Variants in TXNDC11 observed in about 807,000 individuals in gnomAD.
TXNDC11 encodes thioredoxin domain containing 11, also known as thioredoxin domain-containing protein 11.
Under a neutral mutation model 78.0 loss-of-function variants are expected in TXNDC11, and 68 were observed. The observed-to-expected ratio is 0.87, with a 90% CI of 0.72 to 1.07. The LOEUF (loss-of-function observed/expected upper bound fraction) is 1.07, where lower values mean the gene tolerates loss of function less well. TXNDC11 is among the 50% of genes least tolerant of loss of function. TXNDC11 has a pLI of 0.00. For synonymous variants in TXNDC11, 571 were observed against 495.2 expected, an observed-to-expected ratio of 1.15 and a Z score of -2.03; for missense variants, 1,389 against 1,221.8, an observed-to-expected ratio of 1.14 and a Z score of -2.04.
At chr16:11,740,882 A>G (rs2052370848) in intron 1 of TXNDC11, among the ~76,000 whole-genome samples, 1 of 152,218 alleles carries the variant, frequency 6.6e-6, no homozygotes, top group African/African-American at 2.4e-5. Context: ...ATTATGTACT[A>G]AATGAATAAA....
At chr16:11,724,683 T>C (rs944302911) in intron 4 of TXNDC11, among the ~76,000 whole-genome samples, 1 of 152,170 alleles carries the variant, frequency 6.6e-6, no homozygotes, top group Admixed American at 6.5e-5. Flanking sequence ...TCTATTTAAA[T>C]TGGCAGGAAG....
At chr16:11,731,336 C>T (rs2052038471) in intron 3 of TXNDC11, among the ~76,000 whole-genome samples, 1 of 152,216 alleles carries the variant, frequency 6.6e-6, no homozygotes, top group Admixed American at 6.5e-5. Context: ...GGTCTGAAGT[C>T]AGTGACCTGT....
chr16:11,721,383 G>A, intron 5 of TXNDC11, 194 bp downstream of exon 5: 2 of 330,358 alleles, frequency 6.1e-6, no homozygotes, highest in Non-Finnish European at 5.8e-6. Flanking sequence ...AGATTCCAGT[G>A]AGCCAAGATC....
chr16:11,742,368 G>T, intron 1 of TXNDC11, 109 bp downstream of exon 1: 1 of 922,650 alleles, frequency 1.1e-6, no homozygotes. Flanking sequence ...CCTGGGCAAG[G>T]TCAGGCCCGA....
At chr16:11,692,137 C>A in intron 7 of TXNDC11, 55 bp from the exon 8 acceptor site, 2 of 1,369,286 alleles carry the variant, frequency 1.5e-6, no homozygotes, top group Non-Finnish European at 2.0e-6. Context: ...GGGACTAGCA[C>A]CCCGTTAGCC....
chr16:11,681,728 CAG>C (rs1478472789), intron 11 of TXNDC11, among the ~76,000 whole-genome samples: 1 of 152,208 alleles, frequency 6.6e-6, no homozygotes, highest in Non-Finnish European at 1.5e-5. Context: ...CAATGTCACA[CAG>C]AGTCTGACGC....
At chr16:11,718,455 T>C (rs917064704) in intron 5 of TXNDC11, among the ~76,000 whole-genome samples, 2 of 152,174 alleles carry the variant, frequency 1.3e-5, no homozygotes, top group Non-Finnish European at 2.9e-5. Context: ...AATCTAAACA[T>C]GACATTGACC....
chr16:11,691,378 C>G lies in TXNDC11; in HGVS notation c.1812G>C (p.Gln604His), dbSNP rs764834195. The change falls in exon 8 of 12, where the codon CAG becomes CAC. Residue 604 changes from glutamine (Q) to histidine (H), a missense_variant. By Grantham distance (24) the Gln-to-His change is conservative. Coordinates refer to ENST00000283033, the MANE Select transcript of TXNDC11 (RefSeq NM_015914.7). ...CAACAATTGCCGCAAATTCTTTCAC[C>G]TGAGTGGAGCTCGGAGCACCCAGTC... ...AERLGAPSSTQVKEFAAIVDV... is the reference protein window; with the variant it reads ...AERLGAPSSTHVKEFAAIVDV... 63 of 1,614,182 alleles carry G rather than the reference C, an allele frequency of 3.9e-5. No homozygotes were observed. The Middle Eastern group carries it at 9.9e-4, about 25-fold the overall frequency.
chr16:11,717,218 GA>G (rs1024636146), intron 5 of TXNDC11, among the ~76,000 whole-genome samples: 1 of 151,456 alleles, frequency 6.6e-6, no homozygotes, highest in African/African-American at 2.4e-5. Context: ...TTGAGGTCAG[GA>G]GTTTGAGACC....
At chr16:11,737,629 C>T (rs1433740555) in intron 1 of TXNDC11, among the ~76,000 whole-genome samples, 3 of 151,338 alleles carry the variant, frequency 2.0e-5, no homozygotes, top group East Asian at 1.9e-4. Context: ...TGTGGGAAGC[C>T]GAGGCAGGCA....
At chr16:11,702,894 A>G (rs2051073476) in intron 5 of TXNDC11, among the ~76,000 whole-genome samples, 2 of 152,256 alleles carry the variant, frequency 1.3e-5, no homozygotes, top group African/African-American at 4.8e-5. Context: ...CCCTACTGCC[A>G]GAGTCAATAA....
At chr16:11,681,164 C>A (rs1259780851) in intron 11 of TXNDC11, among the ~76,000 whole-genome samples, 1 of 152,132 alleles carries the variant, frequency 6.6e-6, no homozygotes, top group African/African-American at 2.4e-5. Context: ...AGAGTCAGAC[C>A]TTGTCTCAAA....
intron 11 of TXNDC11, among the ~76,000 whole-genome samples, chr16:11,681,063 T>G (rs997829924): frequency 6.6e-6 from 1 of 152,154 alleles, no homozygotes; most frequent in African/African-American, 2.4e-5. Flanking sequence ...ATCCAGCTAC[T>G]TAGGAGCCTG....
At chr16:11,724,954 C>G (rs1053369732) in intron 4 of TXNDC11, among the ~76,000 whole-genome samples, 3 of 152,212 alleles carry the variant, frequency 2.0e-5, no homozygotes, top group African/African-American at 7.2e-5. Flanking sequence ...ACCATGTTGG[C>G]CAGGCTGGTC....
rs868266365 is a variant in TXNDC11, at chr16:11,703,890, G to A, written c.794-3326C>T. The A allele has an allele frequency of 2.9e-5, 16 of 546,232 alleles. No homozygotes were observed. In the East Asian group the frequency reaches 4.3e-4, roughly 15 times the overall value. The allele number at this position is 546,232 out of a possible 1,614,324, so 33.8% of individuals were successfully genotyped here. A position where few individuals can be genotyped will look rare whatever the true frequency, so the allele number is the denominator to read the frequency against. On this transcript the variant is annotated intron_variant, in intron 5 of 11. Coordinates refer to ENST00000283033, the MANE Select transcript of TXNDC11 (RefSeq NM_015914.7). ...GTGGATCACCTGAGGTCATGAGTTT[G>A]AGACCAGCCTGGCCAACATAGTGAA...
rs1232546663 is a variant in TXNDC11 at position 11,742,847 on chromosome 16, A to C, written c.-117T>G. 9 of 1,315,476 alleles carry C rather than the reference A, an allele frequency of 6.8e-6. No homozygotes were observed. The highest frequency in any genetic ancestry group is 8.7e-6 in the Non-Finnish European group (9 of 1,033,434). The allele number at this position is 1,315,476 out of a possible 1,614,324, so 81.5% of individuals were successfully genotyped here. A position where few individuals can be genotyped will look rare whatever the true frequency, so the allele number is the denominator to read the frequency against. On this transcript the variant is annotated 5_prime_UTR_variant, in exon 1 of 12. Coordinates refer to ENST00000283033, the MANE Select transcript of TXNDC11 (RefSeq NM_015914.7). ...CCGCACCCGCTAACCCGGACGCTCC[A>C]CGTCAGCCGCGCCGCCGCCGCGGGG...
chr16:11,714,639 C>CA (rs200245176), intron 5 of TXNDC11, among the ~76,000 whole-genome samples: 10,162 of 137,862 alleles, frequency 0.074, 439 homozygotes, highest in South Asian at 0.19. Context: ...GACTCCGTCT[C>CA]AAAAAAAAAA....
intron 5 of TXNDC11, among the ~76,000 whole-genome samples, chr16:11,718,381 T>C (rs180878836): frequency 1.3e-5 from 2 of 152,368 alleles, no homozygotes; most frequent in East Asian, 3.9e-4. Flanking sequence ...ACTTCTTCAG[T>C]TCAGTTCTCT....
At chr16:11,692,497 C>T (rs960953875) in intron 7 of TXNDC11, among the ~76,000 whole-genome samples, 1 of 151,932 alleles carries the variant, frequency 6.6e-6, no homozygotes, top group Non-Finnish European at 1.5e-5. Context: ...AAAAATGCTT[C>T]CTTTAAGTGA....
Sources: allele counts gnomAD v4.1 joint callset (sites outside exome capture counted in the v4.1 genomes callset), GRCh38; gene constraint gnomAD v4.1.1; transcripts MANE v1.5; gene names NCBI Gene and HGNC (gene_info 2026-07-23, HGNC 2026-07-21).